SELENOF: variants seen among roughly 807,000 people sequenced by gnomAD.
The protein encoded by SELENOF is selenoprotein F, also known as 15 kDa selenoprotein.
A neutral mutation model predicts 20.5 loss-of-function variants in SELENOF; 16 were observed. That is an observed-to-expected ratio of 0.78 (90% CI 0.53 to 1.19). The LOEUF is 1.19. SELENOF is among the 50% of genes most tolerant of loss of function. The pLI is 0.00. For synonymous variants in SELENOF, 78 were observed against 74.5 expected, an observed-to-expected ratio of 1.05 and a Z score of -0.24; for missense variants, 215 against 194.2, an observed-to-expected ratio of 1.11 and a Z score of -0.64.
Position 86,893,542 on chromosome 1 carries a change from C to T in SELENOF, c.252+9739G>A, listed in dbSNP as rs1570395815. 2.8e-5 allele frequency among the ~76,000 whole-genome samples: 4 copies of T among 144,236 alleles called. No homozygotes were observed. The South Asian group carries it at 7.0e-4, about 25-fold the overall frequency. The allele number at this position is 144,236 out of a possible 152,430, so 94.6% of individuals were successfully genotyped here. ...CTGAGGCTGGGGAATTGCTTGAAAC[C>T]GGGAGGCAGAGGTTGCAGTAAGCCA... On this transcript the variant is annotated intron_variant, in intron 2 of 4. Transcript: ENST00000331835.
rs145997685 is a variant in SELENOF, at chr1:86,886,985, C to A, written c.253-6260G>T. ...AAAAATCAACTTTATTCCTTTCATA[C>A]AGCAGAAAAATACATCACACAGAAA... On this transcript the variant is annotated intron_variant, in intron 2 of 4. Coordinates refer to ENST00000331835, the MANE Select transcript of SELENOF (RefSeq NM_004261.5). 3.9e-5 allele frequency among the ~76,000 whole-genome samples: 6 copies of A among 152,224 alleles called. No homozygotes were observed. In the East Asian group the frequency reaches 9.6e-4, roughly 24 times the overall value.
intron 2 of SELENOF, among the ~76,000 whole-genome samples, chr1:86,887,931 A>G (rs973093875): frequency 2.0e-5 from 3 of 152,146 alleles, no homozygotes; most frequent in African/African-American, 7.2e-5. Flanking sequence ...TGACCACTAT[A>G]TTTTCTGAGA....
intron 3 of SELENOF, among the ~76,000 whole-genome samples, chr1:86,878,054 G>A (rs547950071): frequency 3.9e-5 from 6 of 152,026 alleles, no homozygotes; most frequent in African/African-American, 1.4e-4. Flanking sequence ...CAGAATACTA[G>A]ACAAAATCTA....
chr1:86,863,645 A>C (rs1658517149), intron 4 of SELENOF, 40 bp from the exon 5 acceptor site: 1 of 1,602,462 alleles, frequency 6.2e-7, no homozygotes, highest in Admixed American at 1.7e-5. Context: ...TTCTGTTCAG[A>C]AACAACCTTC....
intron 1 of SELENOF, among the ~76,000 whole-genome samples, chr1:86,908,428 A>C (rs1659886355): frequency 6.6e-6 from 1 of 152,226 alleles, no homozygotes; most frequent in African/African-American, 2.4e-5. Context: ...TATTGTTATC[A>C]CCATTTTATA....
At chr1:86,905,494 T>C (rs1017362327) in intron 1 of SELENOF, among the ~76,000 whole-genome samples, 2 of 152,224 alleles carry the variant, frequency 1.3e-5, no homozygotes, top group African/African-American at 4.8e-5. Context: ...TCTCAATCAT[T>C]AGCCAGAGTA....
At chr1:86,892,351 G>A (rs943135693) in intron 2 of SELENOF, among the ~76,000 whole-genome samples, 1 of 152,092 alleles carries the variant, frequency 6.6e-6, no homozygotes, top group South Asian at 2.1e-4. Flanking sequence ...TGTGAATAAT[G>A]CTTTTATATT....
At chr1:86,871,949 CTTT>C (rs905998203) in intron 3 of SELENOF, among the ~76,000 whole-genome samples, 1 of 149,168 alleles carries the variant, frequency 6.7e-6, no homozygotes, top group Admixed American at 6.7e-5. Context: ...CTTAAAGAGA[CTTT>C]TTTTTTTCTT....
chr1:86,890,301 C>G (rs1014078909), intron 2 of SELENOF, among the ~76,000 whole-genome samples: 1 of 152,150 alleles, frequency 6.6e-6, no homozygotes, highest in African/African-American at 2.4e-5. Flanking sequence ...ATTTACCTGA[C>G]CTGCCAAGTG....
chr1:86,866,242 G>C (rs954242898), intron 4 of SELENOF, among the ~76,000 whole-genome samples: 29 of 145,536 alleles, frequency 2.0e-4, no homozygotes, highest in Non-Finnish European at 3.9e-4. Context: ...GTGTGTGTGT[G>C]TGTGTGTGTG....
rs531777106 is a variant in SELENOF at position 86,864,143 on chromosome 1, T to A, written c.367-538A>T. Among the ~76,000 whole-genome samples, 53 of 152,284 alleles carry A rather than the reference T, an allele frequency of 3.5e-4. 1 individual carries two copies. In the South Asian group the frequency reaches 0.01, roughly 29 times the overall value. Reference sequence around the variant, plus strand: ...AAATGATGGTATAAGAGCAATGTTTTAAAATACGCTGTGCATATAAATTTG... The same window carrying A: ...AAATGATGGTATAAGAGCAATGTTTAAAAATACGCTGTGCATATAAATTTG... On this transcript the variant is annotated intron_variant, in intron 4 of 4. Transcript: ENST00000331835.
At chr1:86,888,758 G>T (rs1659298981) in intron 2 of SELENOF, among the ~76,000 whole-genome samples, 1 of 152,214 alleles carries the variant, frequency 6.6e-6, no homozygotes, top group Non-Finnish European at 1.5e-5. Flanking sequence ...CCACCTCCCA[G>T]GTTCAAGCGA....
chr1:86,908,279 G>C (rs1358348788), intron 1 of SELENOF, among the ~76,000 whole-genome samples: 1 of 152,168 alleles, frequency 6.6e-6, no homozygotes, highest in East Asian at 1.9e-4. Flanking sequence ...AAAGCAAATA[G>C]ATGGGATTAC....
Position 86,882,963 on chromosome 1 carries a change from T to C in SELENOF, c.253-2238A>G, listed in dbSNP as rs547788245. Among the ~76,000 whole-genome samples the C allele has an allele frequency of 1.9e-3, 282 of 151,872 alleles. 1 individual carries two copies. The highest frequency in any genetic ancestry group is 6.5e-3 in the African/African-American group (268 of 41,420). On this transcript the variant is annotated intron_variant, in intron 2 of 4. Transcript: ENST00000331835. ...CAACATGGTGAAACCCTGTCTCTAC[T>C]AAAAAATACAAAAATTGGCTGGGTG... is the stretch of plus-strand genomic sequence containing the variant.
intron 1 of SELENOF, among the ~76,000 whole-genome samples, chr1:86,910,001 T>C (rs769434288): frequency 6.6e-6 from 1 of 152,162 alleles, no homozygotes; most frequent in Non-Finnish European, 1.5e-5. Flanking sequence ...AAAAAAAGTA[T>C]GATGATACAA....
At chr1:86,890,226 A>G in intron 2 of SELENOF, among the ~76,000 whole-genome samples, 1 of 152,118 alleles carries the variant, frequency 6.6e-6, no homozygotes. Context: ...GCGAGAGAAA[A>G]GGCCTTCTCT....
chr1:86,877,938 T>C (rs1046610406), intron 3 of SELENOF, among the ~76,000 whole-genome samples: 2 of 152,056 alleles, frequency 1.3e-5, no homozygotes, highest in African/African-American at 4.8e-5. Context: ...CATACAAAAT[T>C]AGGGACAAAC....
At chr1:86,878,633 AAT>A (rs1166463698) in intron 3 of SELENOF, among the ~76,000 whole-genome samples, 1 of 152,188 alleles carries the variant, frequency 6.6e-6, no homozygotes, top group African/African-American at 2.4e-5. Context: ...GGTGAGCTGA[AAT>A]TGCGCCACTG....
At chr1:86,911,343 T>C (rs894421962) in intron 1 of SELENOF, among the ~76,000 whole-genome samples, 3 of 152,202 alleles carry the variant, frequency 2.0e-5, no homozygotes, top group Non-Finnish European at 4.4e-5. Flanking sequence ...GAAAACACCA[T>C]GCTCAAAGGT....
Sources: gnomAD v4.1 joint callset for allele counts (sites outside exome capture counted in the v4.1 genomes callset) on GRCh38, gnomAD v4.1.1 for gene constraint, MANE v1.5 for transcripts, NCBI Gene and HGNC (gene_info 2026-07-23, HGNC 2026-07-21) for gene names.